The following ADGRD1 variants were observed in gnomAD, a reference collection of about 807,000 sequenced individuals.
ADGRD1 encodes the protein G-protein coupled receptor 133.
ADGRD1 carries 77 observed loss-of-function variants against 113.4 expected under a neutral mutation model. The observed-to-expected ratio is 0.68, with a 90% confidence interval of 0.57 to 0.82. The LOEUF is 0.82. ADGRD1 is among the 40% of genes least tolerant of loss of function. The probability of loss-of-function intolerance (pLI) is 0.00; values close to 1 mark genes in which losing one functional copy is unlikely to be tolerated. For missense variants in ADGRD1, 1,036 were observed against 1,139.1 expected, an observed-to-expected ratio of 0.91 and a Z score of 1.30; for synonymous variants, 474 against 475.0, an observed-to-expected ratio of 1.00 and a Z score of 0.03.
chr12:131,135,934 G>A (rs149054860), intron 21 of ADGRD1, 103 bp from the exon 22 acceptor site: 1 of 1,272,380 alleles, frequency 7.9e-7, no homozygotes, highest in Non-Finnish European at 1.1e-6. Flanking sequence ...TCCCGGCAGG[G>A]CGGTGCCTGC....
Position 130,966,831 on chromosome 12 carries a change from G to C in ADGRD1, c.187+285G>C, listed in dbSNP as rs1871055507. 1 of 408,922 alleles carries C rather than the reference G, an allele frequency of 2.4e-6. No homozygotes were observed. The highest frequency in any genetic ancestry group is 4.7e-6 in the Non-Finnish European group (1 of 213,434). 25.3% of individuals were successfully genotyped at this position (408,922 alleles called of 1,614,324 possible). ...GAGATGGGGTCTTGCTATGTTGCCA[G>C]GCTGGTCTCAAGCTCCTGGCCTCAG... On this transcript the variant is annotated intron_variant, in intron 3 of 24. Coordinates refer to ENST00000261654, the MANE Select transcript of ADGRD1 (RefSeq NM_198827.5). This position sits in a 1 kb window ranked among gnomAD's most constrained non-coding sequence, Gnocchi z 4.6.
At chr12:131,137,849 GT>G (rs1951133330) in intron 23 of ADGRD1, 1 of 94,544 alleles carries the variant, frequency 1.1e-5, no homozygotes, top group African/African-American at 4.3e-5. Context: ...CCACGCATTT[GT>G]TTATTTGCTT....
chr12:131,123,379 C>T (rs1950654215), intron 20 of ADGRD1, among the ~76,000 whole-genome samples: 1 of 151,930 alleles, frequency 6.6e-6, no homozygotes, highest in South Asian at 2.1e-4. Flanking sequence ...GTCTAAGCTC[C>T]ACCTCCTGAA....
chr12:131,115,320 C>T (rs1950438199), intron 18 of ADGRD1, among the ~76,000 whole-genome samples: 1 of 152,182 alleles, frequency 6.6e-6, no homozygotes, highest in South Asian at 2.1e-4. Flanking sequence ...GCCCATAAGA[C>T]ACATGTCCCT....
chr12:130,954,232 G>C lies in ADGRD1; in HGVS notation c.-234G>C, dbSNP rs964307284. On this transcript the variant is annotated 5_prime_UTR_variant, in exon 1 of 25. Transcript: ENST00000261654. The surrounding 1 kb of genome is among the most constrained non-coding windows in gnomAD (Gnocchi z 4.7). The stretch of plus-strand genomic sequence containing the variant: ...CCTCCCTGCATTCCACAGCTGCTCT[G>C]GTCATCGCAACGTGTTTATTGATCA... 1 of 460,030 alleles carries C rather than the reference G, an allele frequency of 2.2e-6. No homozygotes were observed. Among genetic ancestry groups the C allele is most frequent in the Non-Finnish European group, 3.8e-6 (1 of 264,262 alleles). 28.5% of individuals were successfully genotyped at this position (460,030 alleles called of 1,614,324 possible).
At chr12:131,093,948 AGC>A in intron 15 of ADGRD1, among the ~76,000 whole-genome samples, 2 of 136,862 alleles carry the variant, frequency 1.5e-5, no homozygotes, top group African/African-American at 5.6e-5. Context: ...CAGCCTCAGC[AGC>A]ACCCAGCCTC....
At position 131,071,868 on chromosome 12, in the gene ADGRD1, G is replaced by A. The variant is rs891786123; in HGVS notation, c.1474-4933G>A. Reference sequence around the variant, plus strand: ...TCCTCTGTGGGCTCCGTCTCTGCAGGGTTCTCGGAGACATCGCAGCTGCTA... The same window carrying A: ...TCCTCTGTGGGCTCCGTCTCTGCAGAGTTCTCGGAGACATCGCAGCTGCTA... On this transcript the variant is annotated intron_variant, in intron 13 of 24. Transcript: ENST00000261654. 2.0e-5 allele frequency among the ~76,000 whole-genome samples: 3 copies of A among 151,400 alleles called. No homozygotes were observed. The East Asian group carries it at 5.8e-4, about 29-fold the overall frequency.
At chr12:131,043,724 C>T (rs560256840) in intron 13 of ADGRD1, among the ~76,000 whole-genome samples, 19 of 152,346 alleles carry the variant, frequency 1.2e-4, no homozygotes, top group Non-Finnish European at 2.5e-4. Context: ...AGAGTGCACC[C>T]GCAGGGCTGG....
intron 4 of ADGRD1, among the ~76,000 whole-genome samples, chr12:130,974,805 C>A (rs1469963173): frequency 2.6e-4 from 2 of 7,708 alleles, no homozygotes; most frequent in Non-Finnish European, 8.3e-3. Flanking sequence ...CCTGCTGTGG[C>A]CCTGCTCCGG....
chr12:131,056,867 C>T (rs1428098430), intron 13 of ADGRD1, among the ~76,000 whole-genome samples: 1 of 152,134 alleles, frequency 6.6e-6, no homozygotes, highest in Non-Finnish European at 1.5e-5. Flanking sequence ...AATACAGCTT[C>T]CAGGGCCCTA....
intron 17 of ADGRD1, among the ~76,000 whole-genome samples, chr12:131,108,470 T>C (rs1950281242): frequency 6.6e-6 from 1 of 152,156 alleles, no homozygotes; most frequent in South Asian, 2.1e-4. Flanking sequence ...GCTGATTGGT[T>C]GGGCCTGAGT....
chr12:131,007,084 C>T (rs779055268), intron 12 of ADGRD1, among the ~76,000 whole-genome samples: 29 of 152,310 alleles, frequency 1.9e-4, no homozygotes, highest in Admixed American at 1.6e-3. Flanking sequence ...GTGTCTTGTG[C>T]GGCCACAGTG....
At chr12:131,064,677 A>T (rs1174793462) in intron 13 of ADGRD1, among the ~76,000 whole-genome samples, 1 of 152,254 alleles carries the variant, frequency 6.6e-6, no homozygotes, top group Non-Finnish European at 1.5e-5. Context: ...TTCTAAATGG[A>T]GGAAATGACT....
At chr12:131,012,413 C>T (rs1282380214) in intron 12 of ADGRD1, among the ~76,000 whole-genome samples, 3 of 152,042 alleles carry the variant, frequency 2.0e-5, no homozygotes, top group African/African-American at 4.8e-5. Flanking sequence ...GCCTGAGAAT[C>T]GATGACCCTG....
intron 13 of ADGRD1, among the ~76,000 whole-genome samples, chr12:131,055,286 C>T (rs551409148): frequency 2.0e-4 from 31 of 152,272 alleles, no homozygotes; most frequent in East Asian, 9.7e-4. Context: ...CACGGATTCA[C>T]GTGATCCTTG....
intron 21 of ADGRD1, 21 bp downstream of exon 21, chr12:131,131,837 C>T: frequency 6.7e-7 from 1 of 1,483,394 alleles, no homozygotes; most frequent in Non-Finnish European, 9.4e-7. Flanking sequence ...CTCAGGCTGC[C>T]AGCAGTGCCA....
At chr12:130,987,764 G>C (rs1221190653) in intron 6 of ADGRD1, 2 of 212,340 alleles carry the variant, frequency 9.4e-6, no homozygotes, top group East Asian at 2.1e-4. Context: ...GCAGGGGCCT[G>C]TGGGTAGGTG....
At chr12:131,123,049 T>TTG (rs1355025310) in intron 20 of ADGRD1, among the ~76,000 whole-genome samples, 2 of 123,076 alleles carry the variant, frequency 1.6e-5, no homozygotes, top group African/African-American at 3.3e-5. Context: ...GTTTTTTTTT[T>TTG]TTTTTTTTTT....
intron 6 of ADGRD1, chr12:130,988,122 T>TTTTTGTC (rs1295908934): frequency 2.4e-5 from 3 of 124,560 alleles, no homozygotes; most frequent in Non-Finnish European, 5.8e-5. Flanking sequence ...ATCTCTCAGA[T>TTTTTGTC]TTTTTTTTTG....
Sources: allele counts gnomAD v4.1 joint callset (sites outside exome capture counted in the v4.1 genomes callset), GRCh38; gene constraint gnomAD v4.1.1; non-coding constraint Gnocchi (gnomAD v3.1); transcripts MANE v1.5; gene names NCBI Gene and HGNC (gene_info 2026-07-23, HGNC 2026-07-21).